Variants in BMP7 observed in about 807,000 individuals in gnomAD.
BMP7 encodes bone morphogenetic protein 7.
In BMP7, 12 loss-of-function variants were observed where a neutral mutation model predicts 41.2. That is an observed-to-expected ratio of 0.29 (90% CI 0.19 to 0.47). The LOEUF is 0.47. Ranked by LOEUF, BMP7 falls within the 20% of genes least tolerant of loss-of-function variation. The pLI, the probability that BMP7 is intolerant of heterozygous loss-of-function variation, is 0.99. For missense variants in BMP7, 467 were observed against 606.0 expected (o/e 0.77, Z 2.41); for synonymous variants, 248 against 250.0 (o/e 0.99, Z 0.07).
Position 57,202,762 on chromosome 20 carries a change from A to T in BMP7, c.612-139T>A, listed in dbSNP as rs966965310. ...GGTCCCCGACAAGTGGGAACATCAG[A>T]CCAAGATCCAGGCACAAAGACCCCT... On this transcript the variant is annotated intron_variant, in intron 2 of 6. Coordinates refer to ENST00000395863, the MANE Select transcript of BMP7 (RefSeq NM_001719.3). 3 of 1,076,224 alleles carry T rather than the reference A, an allele frequency of 2.8e-6. No homozygotes were observed. In the African/African-American group the frequency reaches 4.7e-5, roughly 17 times the overall value. 66.7% of individuals were successfully genotyped at this position (1,076,224 alleles called of 1,614,324 possible).
At chr20:57,244,250 C>T (rs1225406584) in intron 1 of BMP7, among the ~76,000 whole-genome samples, 3 of 152,298 alleles carry the variant, frequency 2.0e-5, no homozygotes, top group East Asian at 1.9e-4. Context: ...GGTCTAGAAA[C>T]CCCACTTTGA....
chr20:57,225,020 C>G (rs559822632), intron 2 of BMP7, among the ~76,000 whole-genome samples: 1 of 152,204 alleles, frequency 6.6e-6, no homozygotes, highest in Non-Finnish European at 1.5e-5. Flanking sequence ...AGGCACAGCT[C>G]GTCAGATGTC....
intron 1 of BMP7, among the ~76,000 whole-genome samples, chr20:57,235,594 A>G (rs531490815): frequency 6.6e-6 from 1 of 152,276 alleles, no homozygotes; most frequent in East Asian, 1.9e-4. Flanking sequence ...GAGGTGCTGA[A>G]TGGACTCTTA....
At chr20:57,245,505 C>T (rs962853650) in intron 1 of BMP7, among the ~76,000 whole-genome samples, 25 of 152,034 alleles carry the variant, frequency 1.6e-4, no homozygotes, top group African/African-American at 5.1e-4. Flanking sequence ...AGGCACCCTA[C>T]GGGGCCCAGA....
chr20:57,227,568 G>A (rs2066012324), intron 2 of BMP7, among the ~76,000 whole-genome samples: 1 of 152,192 alleles, frequency 6.6e-6, no homozygotes, highest in South Asian at 2.1e-4. Flanking sequence ...GACGGTAGAT[G>A]TCTGACAGCC....
intron 1 of BMP7, among the ~76,000 whole-genome samples, chr20:57,236,748 G>C (rs1259069314): frequency 8.4e-5 from 12 of 143,076 alleles, no homozygotes; most frequent in Non-Finnish European, 1.8e-4. Flanking sequence ...CAGCTCTCAT[G>C]GGGACAGCCA....
intron 2 of BMP7, among the ~76,000 whole-genome samples, chr20:57,217,536 C>T (rs545565655): frequency 2.2e-4 from 33 of 152,326 alleles, no homozygotes; most frequent in African/African-American, 7.2e-4. Flanking sequence ...CATCGAGCCA[C>T]AGCCAGAGTG....
intron 3 of BMP7, among the ~76,000 whole-genome samples, chr20:57,187,826 C>T (rs1020646631): frequency 1.3e-5 from 2 of 152,196 alleles, no homozygotes; most frequent in Non-Finnish European, 2.9e-5. Context: ...GTTCTTGCCC[C>T]TTTCCTAGAG....
chr20:57,255,815 A>AAAG (rs2066131809), intron 1 of BMP7, among the ~76,000 whole-genome samples: 1 of 151,132 alleles, frequency 6.6e-6, no homozygotes, highest in African/African-American at 2.4e-5. Flanking sequence ...AAAAAAAAAA[A>AAAG]AAAAAAAAAG....
At position 57,214,642 on chromosome 20, in the gene BMP7, C is replaced by T. The variant is rs1241639837; in HGVS notation, c.612-12019G>A. The stretch of plus-strand genomic sequence containing the variant: ...CTGTTCCCTGCCTTTTCACCTCCCT[C>T]ACACCTGCCTGTTCTTGAGCATCCC... On this transcript the variant is annotated intron_variant, in intron 2 of 6. Transcript: ENST00000395863. This position sits in a 1 kb window ranked among gnomAD's most constrained non-coding sequence, Gnocchi z 4.0. 1.3e-5 allele frequency among the ~76,000 whole-genome samples: 2 copies of T among 152,196 alleles called. No individual in the cohort carries two copies. Among genetic ancestry groups the T allele is most frequent in the African/African-American group, 4.8e-5 (2 of 41,442 alleles).
intron 4 of BMP7, among the ~76,000 whole-genome samples, chr20:57,176,913 T>C (rs1342055277): frequency 6.6e-6 from 1 of 152,228 alleles, no homozygotes; most frequent in African/African-American, 2.4e-5. Context: ...GAATTCTATC[T>C]GCATAGCTTC....
In BMP7 at chr20:57,202,630, G is replaced by T; in HGVS notation, c.612-7C>A. ...CAGGAAGAGATCCGATTCCCTGCGA[G>T]AGAGGAGGAGAGACACGGGCTTCGC... On this transcript the variant is annotated splice_polypyrimidine_tract_variant and splice_region_variant and intron_variant, in intron 2 of 6. Coordinates refer to ENST00000395863, the MANE Select transcript of BMP7 (RefSeq NM_001719.3). 1 of 1,589,536 alleles carries T rather than the reference G, an allele frequency of 6.3e-7. No homozygotes were observed. The highest frequency in any genetic ancestry group is 1.1e-5 in the South Asian group (1 of 90,852).
intron 3 of BMP7, among the ~76,000 whole-genome samples, chr20:57,186,752 A>T (rs1018738296): frequency 4.6e-5 from 7 of 152,182 alleles, no homozygotes; most frequent in African/African-American, 1.7e-4. Context: ...AGAAGTCAAG[A>T]AACCCAGCCT....
At chr20:57,240,824 C>T (rs1170552929) in intron 1 of BMP7, among the ~76,000 whole-genome samples, 1 of 152,222 alleles carries the variant, frequency 6.6e-6, no homozygotes, top group Non-Finnish European at 1.5e-5. Context: ...AAAGACTGGA[C>T]TCCATGATTC....
chr20:57,205,335 A>G lies in BMP7; in HGVS notation c.612-2712T>C, dbSNP rs765231078. ...ATGACTCATTTACTTCTTCTTCCCC[A>G]TGCTCTTTTAGAGGTAGTTTCAGGC... On this transcript the variant is annotated intron_variant, in intron 2 of 6. Transcript: ENST00000395863. Among the ~76,000 whole-genome samples the G allele has an allele frequency of 6.6e-5, 10 of 152,282 alleles. No individual in the cohort carries two copies. In the East Asian group the frequency reaches 9.6e-4, roughly 15 times the overall value.
intron 4 of BMP7, among the ~76,000 whole-genome samples, chr20:57,180,364 G>A (rs1044597209): frequency 6.7e-6 from 1 of 149,860 alleles, no homozygotes; most frequent in East Asian, 2.0e-4. Context: ...CACAGCACAG[G>A]CCTCTGCCCC....
chr20:57,262,782 T>C (rs1044679781), intron 1 of BMP7, among the ~76,000 whole-genome samples: 1 of 152,228 alleles, frequency 6.6e-6, no homozygotes, highest in African/African-American at 2.4e-5. Flanking sequence ...GTGCAAGTGA[T>C]ATTTTCTCAC....
chr20:57,182,647 C>T (rs565484959), intron 4 of BMP7, among the ~76,000 whole-genome samples: 2 of 152,368 alleles, frequency 1.3e-5, no homozygotes, highest in African/African-American at 4.8e-5. Flanking sequence ...TGCCCTTAGA[C>T]AAACGACTTA....
At chr20:57,179,834 G>GA (rs1984033837) in intron 4 of BMP7, among the ~76,000 whole-genome samples, 1 of 152,170 alleles carries the variant, frequency 6.6e-6, no homozygotes, top group Non-Finnish European at 1.5e-5. Context: ...CGAGCCATCC[G>GA]CGGGAAGGAG....
Sources: allele counts gnomAD v4.1 joint callset (sites outside exome capture counted in the v4.1 genomes callset), GRCh38; gene constraint gnomAD v4.1.1; non-coding constraint Gnocchi (gnomAD v3.1); transcripts MANE v1.5; gene names NCBI Gene and HGNC (gene_info 2026-07-23, HGNC 2026-07-21).